Variants in LRP2 observed in about 807,000 individuals in gnomAD.
LRP2 encodes the protein LDL receptor related protein 2.
Under a neutral mutation model 531.0 loss-of-function variants are expected in LRP2, and 172 were observed. The observed-to-expected ratio is 0.32, with a 90% CI of 0.29 to 0.37. The LOEUF (loss-of-function observed/expected upper bound fraction) is 0.37. Among genes scored for constraint, LRP2 ranks in the 10% least tolerant of loss-of-function variants. The pLI is 1.00. For synonymous variants in LRP2, 1,992 were observed against 2,027.6 expected (o/e 0.98, Z 0.47); for missense variants, 5,167 against 5,868.3 (o/e 0.88, Z 3.90).
At position 169,204,134 on chromosome 2, in the gene LRP2, G is replaced by C. The variant is rs772675155; in HGVS notation, c.7853C>G (p.Ala2618Gly). Residue 2618 changes from alanine (A) to glycine (G), a missense_variant, in exon 42 of 79, where the codon GCT (alanine) becomes GGT (glycine). Physicochemically the swap from Ala to Gly is moderately conservative, Grantham distance 60 (BLOSUM62 0). Around this residue, in one of 6 missense-constraint regions of LRP2, gnomAD observed 1,129 missense variants for 1,362.7 expected, o/e 0.83. Coordinates refer to ENST00000649046, the MANE Select transcript of LRP2 (RefSeq NM_004525.3). ...TDLYTQRIYR[A>G]NKYDGSGQIA... ...CTGACCTGACCCGTCATATTTGTTA[G>C]CTCGGTAAATTCTTTGTGTGTACAA... The C allele has an allele frequency of 6.2e-7, 1 of 1,614,152 alleles. No homozygotes were observed. The highest frequency in any genetic ancestry group is 1.3e-5 in the African/African-American group (1 of 75,036).
At chr2:169,216,118 G>A in intron 35 of LRP2, 135 bp downstream of exon 35, 1 of 908,696 alleles carries the variant, frequency 1.1e-6, no homozygotes, top group Non-Finnish European at 1.8e-6. Flanking sequence ...AAGTTATTGG[G>A]AGAAGGGGCA....
At chr2:169,166,104 A>T (rs778998108) in intron 61 of LRP2, 50 bp from the exon 62 acceptor site, 1 of 1,597,592 alleles carries the variant, frequency 6.3e-7, no homozygotes, top group South Asian at 1.1e-5. Context: ...GTAGAATCTA[A>T]GTGTCAATAT....
chr2:169,315,981 A>C (rs1377012105), intron 3 of LRP2, among the ~76,000 whole-genome samples: 1 of 141,032 alleles, frequency 7.1e-6, no homozygotes, highest in African/African-American at 2.7e-5. Flanking sequence ...AAAAAAAAAA[A>C]AATACAAAAT....
chr2:169,319,027 G>T, intron 2 of LRP2, 143 bp from the exon 3 acceptor site: 1 of 1,004,238 alleles, frequency 1.0e-6, no homozygotes, highest in Non-Finnish European at 1.5e-6. Context: ...TTATACTAGA[G>T]TCTGTGGACG....
chr2:169,239,375 AC>A, intron 26 of LRP2, 151 bp downstream of exon 26: 2 of 1,320,988 alleles, frequency 1.5e-6, no homozygotes, highest in Non-Finnish European at 1.1e-6. Context: ...TTTAATCCTC[AC>A]AAAAAATTGA....
intron 6 of LRP2, among the ~76,000 whole-genome samples, chr2:169,293,082 C>T (rs1226822615): frequency 6.6e-6 from 1 of 152,120 alleles, no homozygotes; most frequent in Non-Finnish European, 1.5e-5. Context: ...AGGCATGGCT[C>T]ATTGAAAATT....
chr2:169,168,413 C>T (rs147524520), intron 61 of LRP2, 126 bp downstream of exon 61: 24 of 1,184,782 alleles, frequency 2.0e-5, no homozygotes, highest in East Asian at 1.9e-4. Flanking sequence ...ATAACACCAA[C>T]GCTGATCCTG....
At chr2:169,323,440 A>C (rs1228549392) in intron 1 of LRP2, among the ~76,000 whole-genome samples, 1 of 152,210 alleles carries the variant, frequency 6.6e-6, no homozygotes, top group Non-Finnish European at 1.5e-5. Context: ...GTTTAAAAAT[A>C]AACCAAAAAT....
At chr2:169,328,441 T>TAAAAAAAAAAAAAAAAAAA (rs537210492) in intron 1 of LRP2, among the ~76,000 whole-genome samples, 2 of 49,142 alleles carry the variant, frequency 4.1e-5, no homozygotes, top group Non-Finnish European at 8.0e-5. Context: ...CGGGCCGGGA[T>TAAAAAAAAAAAAAAAAAAA]AAAAAAAAAA....
chr2:169,151,212 T>G (rs1686107827), intron 67 of LRP2, among the ~76,000 whole-genome samples, 186 bp from the exon 68 acceptor site: 1 of 152,054 alleles, frequency 6.6e-6, no homozygotes, highest in Admixed American at 6.5e-5. Flanking sequence ...AGGTTACACT[T>G]GGAAGAGTAA....
intron 14 of LRP2, 83 bp from the exon 15 acceptor site, chr2:169,273,150 A>C (rs1043805480): frequency 1.3e-6 from 2 of 1,498,228 alleles, no homozygotes; most frequent in African/African-American, 2.8e-5. Flanking sequence ...AGCCCTTTTC[A>C]CCTATAGGTG....
At chr2:169,255,959 G>A in intron 19 of LRP2, 147 bp downstream of exon 19, 1 of 713,398 alleles carries the variant, frequency 1.4e-6, no homozygotes, top group Non-Finnish European at 2.2e-6. Flanking sequence ...CAAATGTTTT[G>A]TCTAAATATA....
chr2:169,188,132 C>T lies in LRP2; in HGVS notation c.9166G>A (p.Asp3056Asn), dbSNP rs1267476908. Residue 3056 changes from aspartate to asparagine, a missense_variant, in exon 49 of 79, where the codon GAC becomes AAC. Around this residue, in one of 6 missense-constraint regions of LRP2, gnomAD observed 1,129 missense variants for 1,362.7 expected, o/e 0.83. Transcript: ENST00000649046. ...AGCTCATCAGATCCGTCTCCACAGT[C>T]ATTATCCTCATCACAGACGAAGGTT... ...SKTFVCDEDN[D>N]CGDGSDELMH... 6.2e-7 allele frequency: 1 copy of T among 1,614,188 alleles called. No homozygotes were observed. The highest frequency in any genetic ancestry group is 2.2e-5 in the East Asian group (1 of 44,888).
chr2:169,154,626 T>C (rs1310469493), intron 65 of LRP2, 23 bp from the exon 66 acceptor site: 9 of 1,611,312 alleles, frequency 5.6e-6, no homozygotes, highest in Non-Finnish European at 7.6e-6. Context: ...AAAGGGCTAC[T>C]TTATCTGTTT....
intron 63 of LRP2, among the ~76,000 whole-genome samples, chr2:169,159,167 G>T (rs751327349): frequency 1.1e-4 from 17 of 152,122 alleles, no homozygotes; most frequent in Non-Finnish European, 2.1e-4. Flanking sequence ...TCTCCATTAA[G>T]GATTTAAGCT....
chr2:169,188,239 T>G lies in LRP2; in HGVS notation c.9059A>C (p.Asp3020Ala), dbSNP rs778559985. The G allele has an allele frequency of 2.5e-6, 4 of 1,614,162 alleles. No individual in the cohort carries two copies. Among genetic ancestry groups the G allele is most frequent in the Non-Finnish European group, 3.4e-6 (4 of 1,180,016 alleles). ...FRCDRHNDCG[D>A]YSDERGCLYQ... ...TAAGCAGCCCCTCTCGTCGCTATAG[T>G]CACCACAGTCATTGTGCCGGTCACA... Residue 3020 changes from aspartate (D) to alanine (A), a missense_variant, in exon 49 of 79, where the codon GAC becomes GCC. Asp to Ala is a moderately radical substitution (Grantham distance 126, BLOSUM62 -2). This residue lies in a region of LRP2 where 1,129 missense variants were observed against 1,362.7 expected (regional missense o/e 0.83). Transcript: ENST00000649046.
At chr2:169,308,634 T>C (rs1186529971) in intron 3 of LRP2, among the ~76,000 whole-genome samples, 1 of 152,244 alleles carries the variant, frequency 6.6e-6, no homozygotes, top group Non-Finnish European at 1.5e-5. Flanking sequence ...GATGGACTTT[T>C]GGGTTGGTCC....
At chr2:169,304,017 C>T (rs1232363689) in intron 4 of LRP2, among the ~76,000 whole-genome samples, 2 of 152,166 alleles carry the variant, frequency 1.3e-5, no homozygotes, top group African/African-American at 4.8e-5. Context: ...CTTACATATT[C>T]GTATCCTGCC....
chr2:169,152,720 C>T (rs1321453537), intron 67 of LRP2, 79 bp downstream of exon 67: 2 of 1,530,580 alleles, frequency 1.3e-6, no homozygotes, highest in African/African-American at 1.4e-5. Flanking sequence ...CCCAGACTCA[C>T]TCATGGCCCA....
Sources: allele counts gnomAD v4.1 joint callset (sites outside exome capture counted in the v4.1 genomes callset), GRCh38; gene constraint gnomAD v4.1.1; regional missense constraint gnomAD v4.1.1; transcripts MANE v1.5; gene names NCBI Gene and HGNC (gene_info 2026-07-23, HGNC 2026-07-21).